The following DZIP3 variants were observed in gnomAD, a reference collection of about 807,000 sequenced individuals.
DZIP3 encodes the protein DAZ interacting zinc finger protein 3.
A neutral mutation model predicts 162.0 loss-of-function variants in DZIP3; 118 were observed. That is an observed-to-expected ratio of 0.73 (90% CI 0.63 to 0.85). The LOEUF (loss-of-function observed/expected upper bound fraction) is 0.85. DZIP3 is among the 40% of genes least tolerant of loss of function. DZIP3 has a pLI of 0.00. For missense variants in DZIP3, 1,331 were observed against 1,407.0 expected (o/e 0.95, Z 0.86); for synonymous variants, 438 against 458.6 (o/e 0.96, Z 0.57).
intron 16 of DZIP3, 186 bp downstream of exon 16, chr3:108,648,298 A>G (rs1942718772): frequency 2.0e-6 from 1 of 489,482 alleles, no homozygotes; most frequent in Non-Finnish European, 3.4e-6. Flanking sequence ...CTTTCCTGCC[A>G]TAACCATTTA....
intron 12 of DZIP3, among the ~76,000 whole-genome samples, chr3:108,642,235 C>A (rs1053448756): frequency 7.0e-6 from 1 of 141,860 alleles, no homozygotes; most frequent in East Asian, 1.9e-4. Context: ...TCTGGCAATA[C>A]TGCTTACTTG....
Position 108,648,012 on chromosome 3 carries a change from ATG to A in DZIP3, c.1865_1866del (p.Val622GlufsTer5). The A allele has an allele frequency of 6.2e-7, 1 of 1,611,842 alleles. No individual in the cohort carries two copies. Among genetic ancestry groups the A allele is most frequent in the Non-Finnish European group, 8.5e-7 (1 of 1,179,014 alleles). ...CCACCTCTCATGGAGTACAATATAA[ATG>A]TGAAATCACACCCTGAGATACAGTT... On this transcript the variant is annotated frameshift_variant, in exon 16 of 33. Transcript: ENST00000361582. LOFTEE classifies it high-confidence loss of function.
At chr3:108,651,834 T>C (rs1322158871) in intron 18 of DZIP3, among the ~76,000 whole-genome samples, 1 of 151,848 alleles carries the variant, frequency 6.6e-6, no homozygotes, top group Non-Finnish European at 1.5e-5. Context: ...AAAAAGTTTG[T>C]TAATTGAATA....
chr3:108,630,707 T>C (rs1941792525), intron 8 of DZIP3, among the ~76,000 whole-genome samples: 1 of 152,050 alleles, frequency 6.6e-6, no homozygotes, highest in Non-Finnish European at 1.5e-5. Flanking sequence ...TCTTCCTCTT[T>C]TTAAAATATT....
chr3:108,652,762 T>C (rs1440186506), intron 18 of DZIP3, among the ~76,000 whole-genome samples: 8 of 151,952 alleles, frequency 5.3e-5, no homozygotes, highest in Admixed American at 3.9e-4. Flanking sequence ...GTATTTTTAC[T>C]GTAATTTTTC....
intron 27 of DZIP3, 116 bp from the exon 28 acceptor site, chr3:108,686,328 TG>T: frequency 1.0e-6 from 1 of 963,662 alleles, no homozygotes; most frequent in Non-Finnish European, 1.4e-6. Flanking sequence ...AGAGAAAAAC[TG>T]TAAAAATTGA....
intron 4 of DZIP3, among the ~76,000 whole-genome samples, chr3:108,615,550 G>A (rs528295185): frequency 1.2e-3 from 180 of 152,054 alleles, no homozygotes; most frequent in African/African-American, 4.2e-3. Context: ...TAGTCAGCTA[G>A]GAAAAAAACA....
At chr3:108,645,983 T>C (rs959328303) in intron 14 of DZIP3, among the ~76,000 whole-genome samples, 1 of 152,242 alleles carries the variant, frequency 6.6e-6, no homozygotes, top group African/African-American at 2.4e-5. Flanking sequence ...AAGCAGTTCT[T>C]ACTCAAGTAC....
Position 108,645,524 on chromosome 3 carries a change from A to G in DZIP3, c.1759+743A>G, listed in dbSNP as rs187876562. On this transcript the variant is annotated intron_variant, in intron 14 of 32. Transcript: ENST00000361582. Reference sequence around the variant, plus strand: ...AAAGACTTCAGACCTCCTTTCCCACATCTCAGGATACCTTCTCAGCTATTC... The same window carrying G: ...AAAGACTTCAGACCTCCTTTCCCACGTCTCAGGATACCTTCTCAGCTATTC... Among the ~76,000 whole-genome samples the G allele has an allele frequency of 3.9e-3, 601 of 152,306 alleles. 1 individual carries two copies. The highest frequency in any genetic ancestry group is 7.4e-3 in the Admixed American group (113 of 15,300).
chr3:108,675,769 C>T lies in DZIP3; in HGVS notation c.2694-17C>T. The stretch of plus-strand genomic sequence containing the variant: ...AAAAAGAAAGAGTTTTCTTTTGTGT[C>T]TCCTTTTCTACAACAGCAACCTAGA... On this transcript the variant is annotated splice_polypyrimidine_tract_variant and intron_variant, in intron 24 of 32. Coordinates refer to ENST00000361582, the MANE Select transcript of DZIP3 (RefSeq NM_014648.4). The T allele has an allele frequency of 6.3e-7, 1 of 1,585,938 alleles. No individual in the cohort carries two copies. Among genetic ancestry groups the T allele is most frequent in the East Asian group, 2.3e-5 (1 of 44,240 alleles).
intron 27 of DZIP3, among the ~76,000 whole-genome samples, chr3:108,685,497 G>T (rs1188156321): frequency 6.6e-6 from 1 of 152,040 alleles, no homozygotes; most frequent in Non-Finnish European, 1.5e-5. Flanking sequence ...GGTGCAAGTG[G>T]TCATAATTAT....
chr3:108,679,069 T>C (rs954472585), intron 26 of DZIP3, among the ~76,000 whole-genome samples: 5 of 152,126 alleles, frequency 3.3e-5, no homozygotes, highest in Non-Finnish European at 5.9e-5. Flanking sequence ...TGATAAGGAA[T>C]GTGTTCCAGA....
chr3:108,621,732 T>C (rs1301805177), intron 5 of DZIP3, among the ~76,000 whole-genome samples: 1 of 152,136 alleles, frequency 6.6e-6, no homozygotes. Flanking sequence ...AGATCTACCA[T>C]AGGATCCAGC....
Position 108,667,547 on chromosome 3 carries a change from G to A in DZIP3, c.2424-2134G>A, listed in dbSNP as rs199590952. ...AAGGGCAAAATGAAGGATCCCTGTG[G>A]TGATAGAACAGTTCAGTATCTTGAC... On this transcript the variant is annotated intron_variant, in intron 21 of 32. Coordinates refer to ENST00000361582, the MANE Select transcript of DZIP3 (RefSeq NM_014648.4). Among the ~76,000 whole-genome samples the A allele has an allele frequency of 2.0e-5, 3 of 152,198 alleles. No individual in the cohort carries two copies. The East Asian group carries it at 5.8e-4, about 29-fold the overall frequency.
At chr3:108,674,428 G>C (rs1435242509) in intron 24 of DZIP3, among the ~76,000 whole-genome samples, 1 of 151,552 alleles carries the variant, frequency 6.6e-6, no homozygotes, top group Non-Finnish European at 1.5e-5. Context: ...TTTGATGCTT[G>C]TACTTGGCTG....
chr3:108,639,945 A>G (rs1942316272), intron 12 of DZIP3, among the ~76,000 whole-genome samples: 2 of 151,678 alleles, frequency 1.3e-5, no homozygotes, highest in Admixed American at 1.3e-4. Context: ...ATATGTTTTG[A>G]TGTGTAGAAA....
intron 1 of DZIP3, among the ~76,000 whole-genome samples, chr3:108,600,298 C>G (rs539339470): frequency 5.3e-5 from 8 of 151,796 alleles, no homozygotes; most frequent in African/African-American, 1.9e-4. Flanking sequence ...AAATTTTAAC[C>G]AAGTTGCATG....
chr3:108,599,653 T>A (rs921717293), intron 1 of DZIP3, among the ~76,000 whole-genome samples: 2 of 152,118 alleles, frequency 1.3e-5, no homozygotes, highest in Non-Finnish European at 2.9e-5. Flanking sequence ...CATTCAGTGT[T>A]GAAATCCTAA....
intron 26 of DZIP3, among the ~76,000 whole-genome samples, chr3:108,682,723 G>C (rs1165128145): frequency 6.6e-6 from 1 of 150,596 alleles, no homozygotes; most frequent in African/African-American, 2.5e-5. Context: ...TTAACAGTAA[G>C]GTATTATATA....
Sources: gnomAD v4.1 joint callset for allele counts (sites outside exome capture counted in the v4.1 genomes callset) on GRCh38, gnomAD v4.1.1 for gene constraint, MANE v1.5 for transcripts, NCBI Gene and HGNC (gene_info 2026-07-23, HGNC 2026-07-21) for gene names.